Variants in PALB2 observed in about 807,000 individuals in gnomAD.
PALB2 encodes the protein mutant partner and localizer of BRCA2.
In PALB2, 82 loss-of-function variants were observed where a neutral mutation model predicts 107.4. The observed-to-expected ratio is 0.76, with a 90% confidence interval of 0.64 to 0.92. PALB2 has a LOEUF of 0.92. PALB2 is among the 40% of genes least tolerant of loss of function. PALB2 has a pLI of 0.00. For synonymous variants in PALB2, 489 were observed against 496.8 expected (o/e 0.98, Z 0.21); for missense variants, 1,374 against 1,379.9 (o/e 1.00, Z 0.07).
Position 23,629,672 on chromosome 16 carries a change from A to T in PALB2, c.2482T>A (p.Cys828Ser), listed in dbSNP as rs876660545. 3 of 1,614,228 alleles carry T rather than the reference A, an allele frequency of 1.9e-6. No homozygotes were observed. In the South Asian group the frequency reaches 3.3e-5, roughly 18 times the overall value. Residue 828 changes from cysteine (C) to serine (S), a missense_variant, in exon 5 of 13, where the codon TGC becomes AGC. By Grantham distance (112) the Cys-to-Ser change is moderately radical. Transcript: ENST00000261584. ...ACGGAATGTTTATGCAGCTCCTGGC[A>T]TGTGTTTCTACAGAGCTGATTTTCT... ...FKENQLCRNT[C>S]QELHKHSVEQ...
rs7198601 is a variant in PALB2, at chr16:23,638,294, G to C, written c.49-165C>G. ...AAGCACCAAGCTCTGACCATTTCAG[G>C]ATCTTTGCATAACCTGTTCCTATCA... On this transcript the variant is annotated intron_variant, in intron 1 of 12. Coordinates refer to ENST00000261584, the MANE Select transcript of PALB2 (RefSeq NM_024675.4). 0.046 allele frequency among the ~76,000 whole-genome samples: 7,061 copies of C among 152,216 alleles called. 572 individuals carry two copies. Among genetic ancestry groups the C allele is most frequent in the African/African-American group, 0.16 (6,599 of 41,494 alleles).
chr16:23,630,321 G>T lies in PALB2; in HGVS notation c.1833C>A (p.Asp611Glu), dbSNP rs779184831. The T allele has an allele frequency of 3.7e-6, 6 of 1,614,058 alleles. No homozygotes were observed. The African/African-American group carries it at 8.0e-5, about 22-fold the overall frequency. ...CAAAGTCTTCATCAGGTAACTGAAA[G>T]TCTGTGATACTGAGAAAAGACAGTA... ...KQLLSFLSIT[D>E]FQLPDEDFGP... Residue 611 changes from aspartate (D) to glutamate (E), a missense_variant, in exon 5 of 13, where the codon GAC becomes GAA. By Grantham distance (45) the Asp-to-Glu change is conservative (BLOSUM62 2). Coordinates refer to ENST00000261584, the MANE Select transcript of PALB2 (RefSeq NM_024675.4).
rs368694141 is a variant in PALB2, at chr16:23,603,593, G to A, written c.3427C>T (p.Leu1143Phe). Residue 1143 changes from leucine (L) to phenylalanine (F), a missense_variant, in exon 13 of 13, where the codon CTT (leucine) becomes TTT (phenylalanine). Coordinates refer to ENST00000261584, the MANE Select transcript of PALB2 (RefSeq NM_024675.4). ...AGGAGGGCAGTACACTGACCGAGAA[G>A]TAAGTCCCAAATGGCAATTGTTCCA... ...TSGTIAIWDL[L>F]LGQCTALLPP... The A allele has an allele frequency of 6.2e-7, 1 of 1,613,944 alleles. No homozygotes were observed. Among genetic ancestry groups the A allele is most frequent in the African/African-American group, 1.3e-5 (1 of 74,888 alleles).
chr16:23,605,058 A>G (rs1161893581), intron 12 of PALB2, among the ~76,000 whole-genome samples: 1 of 152,090 alleles, frequency 6.6e-6, no homozygotes, highest in African/African-American at 2.4e-5. Flanking sequence ...TGGGCAACAG[A>G]GAGAAACTCC....
At chr16:23,629,610 A>G in intron 5 of PALB2, 30 bp downstream of exon 5, 1 of 1,603,198 alleles carries the variant, frequency 6.2e-7, no homozygotes, top group Non-Finnish European at 8.5e-7. Context: ...ATTCCTTCAG[A>G]GAAAATTTCA....
In PALB2 at chr16:23,603,331, A is replaced by C; in HGVS notation, c.*128T>G. ...GCTACCATCATTAGAATAAAAAATAAGTCTGTCTGGACATAAACAAGCAAT... is the reference window on the plus strand; with the variant it reads ...GCTACCATCATTAGAATAAAAAATACGTCTGTCTGGACATAAACAAGCAAT... On this transcript the variant is annotated 3_prime_UTR_variant, in exon 13 of 13. Coordinates refer to ENST00000261584, the MANE Select transcript of PALB2 (RefSeq NM_024675.4). The C allele has an allele frequency of 1.3e-6, 1 of 742,106 alleles. No individual in the cohort carries two copies. Among genetic ancestry groups the C allele is most frequent in the South Asian group, 1.6e-5 (1 of 62,472 alleles). 46.0% of individuals were successfully genotyped at this position (742,106 alleles called of 1,614,324 possible).
At chr16:23,638,040 C>T (rs762895872) in intron 2 of PALB2, 30 bp downstream of exon 2, 1 of 1,608,980 alleles carries the variant, frequency 6.2e-7, no homozygotes. Flanking sequence ...TGTACTATAA[C>T]ACCTTAATTT....
chr16:23,641,216 G>A lies in PALB2; in HGVS notation c.-59C>T. On this transcript the variant is annotated 5_prime_UTR_variant, in exon 1 of 13. Coordinates refer to ENST00000261584, the MANE Select transcript of PALB2 (RefSeq NM_024675.4). The stretch of plus-strand genomic sequence containing the variant: ...GCCGACCCCAGGCCTGCCGACACCG[G>A]GACCCAGTTGGCCCTGGGCCGGGGA... The A allele has an allele frequency of 6.3e-7, 1 of 1,589,436 alleles. No individual in the cohort carries two copies. The highest frequency in any genetic ancestry group is 8.6e-7 in the Non-Finnish European group (1 of 1,167,560).
chr16:23,624,212 A>T, intron 7 of PALB2, 118 bp from the exon 8 acceptor site: 2 of 725,992 alleles, frequency 2.8e-6, no homozygotes. Flanking sequence ...AATTTTCATC[A>T]TTTGAAGGCT....
chr16:23,616,998 G>A (rs1966695667), intron 10 of PALB2, among the ~76,000 whole-genome samples: 1 of 152,028 alleles, frequency 6.6e-6, no homozygotes, highest in Non-Finnish European at 1.5e-5. Context: ...ATTTTTAGTA[G>A]AGACGGGGTT....
At chr16:23,611,779 G>A (rs776747300) in intron 11 of PALB2, among the ~76,000 whole-genome samples, 6 of 151,978 alleles carry the variant, frequency 3.9e-5, no homozygotes, top group Non-Finnish European at 8.8e-5. Context: ...TTTGGGACAG[G>A]GTCTCACTCT....
At chr16:23,610,248 A>G (rs752569374) in intron 11 of PALB2, among the ~76,000 whole-genome samples, 2 of 151,974 alleles carry the variant, frequency 1.3e-5, no homozygotes, top group Non-Finnish European at 2.9e-5. Context: ...GTCTGGTCAT[A>G]TATGGAAAAA....
intron 4 of PALB2, among the ~76,000 whole-genome samples, chr16:23,631,259 G>T (rs1406818114): frequency 8.9e-6 from 1 of 112,654 alleles, no homozygotes; most frequent in Non-Finnish European, 1.7e-5. Flanking sequence ...CAGCCTGGGC[G>T]ACAGAGTGAG....
chr16:23,617,144 T>A, intron 10 of PALB2, among the ~76,000 whole-genome samples: 1 of 152,076 alleles, frequency 6.6e-6, no homozygotes, highest in South Asian at 2.1e-4. Flanking sequence ...ACCTTCAGCA[T>A]AGTTTCCAAA....
chr16:23,641,213 C>A lies in PALB2; in HGVS notation c.-56G>T, dbSNP rs1047365776. 2 of 1,593,806 alleles carry A rather than the reference C, an allele frequency of 1.3e-6. No homozygotes were observed. Among genetic ancestry groups the A allele is most frequent in the Admixed American group, 1.7e-5 (1 of 57,270 alleles). ...GTCGCCGACCCCAGGCCTGCCGACA[C>A]CGGGACCCAGTTGGCCCTGGGCCGG... On this transcript the variant is annotated 5_prime_UTR_variant, in exon 1 of 13. Coordinates refer to ENST00000261584, the MANE Select transcript of PALB2 (RefSeq NM_024675.4).
At position 23,637,929 on chromosome 16, in the gene PALB2, A is replaced by C. The variant is rs756856792; in HGVS notation, c.132T>G (p.Ile44Met). 1.9e-6 allele frequency: 3 copies of C among 1,614,118 alleles called. No individual in the cohort carries two copies. Among genetic ancestry groups the C allele is most frequent in the South Asian group, 2.2e-5 (2 of 91,082 alleles). The change falls in exon 3 of 13, where the codon ATT becomes ATG. Residue 44 changes from isoleucine to methionine, a missense_variant. Physicochemically the swap from Ile to Met is conservative, Grantham distance 10. Coordinates refer to ENST00000261584, the MANE Select transcript of PALB2 (RefSeq NM_024675.4). ...CTACTGTTTTCTTAATAGAATGCTT[A>C]ATCTTTTCAGCTCTTTGGGCACGCT... ...RLQRAQRAEKIKHSIKKTVEE... is the reference protein window; with the variant it reads ...RLQRAQRAEKMKHSIKKTVEE...
chr16:23,610,360 G>A (rs1393427225), intron 11 of PALB2, among the ~76,000 whole-genome samples: 1 of 149,138 alleles, frequency 6.7e-6, no homozygotes, highest in Non-Finnish European at 1.5e-5. Context: ...CCAGGCTGGA[G>A]TGCAGTGGCA....
intron 1 of PALB2, 138 bp from the exon 2 acceptor site, chr16:23,638,267 A>G: frequency 1.3e-6 from 1 of 750,262 alleles, no homozygotes; most frequent in Non-Finnish European, 2.4e-6. Context: ...TTGGTTCTCA[A>G]AAAGCACCAA....
rs1966946445 is a variant in PALB2, at chr16:23,634,863, T to C, written c.1683A>G (p.Lys561=). The change falls in exon 4 of 13, where the codon AAA becomes AAG. Residue 561 remains lysine, a splice_region_variant and synonymous_variant. Transcript: ENST00000261584. ...ATCATCAAACACATCTTGATTTACC[T>C]TTCACTTGAATAAATAATTTTTCGT... ...YQHEKLFIQV[K]GKKSRHQKED... 6.2e-7 allele frequency: 1 copy of C among 1,612,956 alleles called. No individual in the cohort carries two copies. The highest frequency in any genetic ancestry group is 8.5e-7 in the Non-Finnish European group (1 of 1,179,344).
Sources: gnomAD v4.1 joint callset for allele counts (sites outside exome capture counted in the v4.1 genomes callset) on GRCh38, gnomAD v4.1.1 for gene constraint, MANE v1.5 for transcripts, NCBI Gene and HGNC (gene_info 2026-07-23, HGNC 2026-07-21) for gene names.